The following TF variants were observed in gnomAD, a reference collection of about 807,000 sequenced individuals.
The protein encoded by TF is serotransferrin.
A neutral mutation model predicts 82.4 loss-of-function variants in TF; 55 were observed. The ratio of observed to expected loss-of-function variants is 0.67; its 90% CI spans 0.54 to 0.84. The LOEUF is 0.84. Among genes scored for constraint, TF ranks in the 40% least tolerant of loss-of-function variants. The pLI is 0.00. For synonymous variants in TF, 332 were observed against 332.6 expected (o/e 1.00, Z 0.02); for missense variants, 737 against 868.4 (o/e 0.85, Z 1.90).
In TF at chr3:133,777,054, A is replaced by G. The variant is rs1456528143; in HGVS notation, c.1878A>G (p.Leu626=). The part of the protein sequence containing the change: ...VHKILRQQQH[L]FGSNVTDCSG... ...ACTTTCTGTTCACTTGACAGCACCT[A>G]TTTGGAAGCAACGTAACTGACTGCT... Residue 626 remains leucine (L), a synonymous_variant, in exon 16 of 17, where the codon CTA becomes CTG. Coordinates refer to ENST00000402696, the MANE Select transcript of TF (RefSeq NM_001063.4). 1.2e-6 allele frequency: 2 copies of G among 1,614,150 alleles called. No homozygotes were observed. Among genetic ancestry groups the G allele is most frequent in the Admixed American group, 3.3e-5 (2 of 60,030 alleles).
the TF span, chr3:133,699,364 G>C: frequency 1.4e-6 from 1 of 709,626 alleles, no homozygotes; most frequent in South Asian, 1.4e-5. Context: ...CATATTTGAT[G>C]GTTCGGTGAG....
chr3:133,718,777 C>T, the TF span, among the ~76,000 whole-genome samples: 1 of 152,160 alleles, frequency 6.6e-6, no homozygotes, highest in South Asian at 2.1e-4. Context: ...GAAAGGAAAG[C>T]AGGAACGCTG....
chr3:133,766,582 C>A, intron 12 of TF, 149 bp downstream of exon 12: 1 of 1,087,620 alleles, frequency 9.2e-7, no homozygotes, highest in Non-Finnish European at 1.3e-6. Context: ...TTGCTGTCCT[C>A]AAGGACATAG....
chr3:133,775,758 A>G, intron 15 of TF, 141 bp downstream of exon 15: 3 of 865,130 alleles, frequency 3.5e-6, no homozygotes, highest in Non-Finnish European at 5.5e-6. Flanking sequence ...ATTTCATGCC[A>G]TGCATTGTGG....
chr3:133,669,281 C>T, the TF span, among the ~76,000 whole-genome samples: 14 of 152,290 alleles, frequency 9.2e-5, no homozygotes, highest in Admixed American at 7.2e-4. Flanking sequence ...GGATTGCAAG[C>T]ATAAGCCACC....
chr3:133,726,364 C>A, the TF span, among the ~76,000 whole-genome samples: 1 of 152,180 alleles, frequency 6.6e-6, no homozygotes, highest in African/African-American at 2.4e-5. Flanking sequence ...AGAGATTCAA[C>A]TTCTTCCTGG....
intron 2 of TF, among the ~76,000 whole-genome samples, chr3:133,753,059 G>T (rs1198047860): frequency 3.3e-5 from 5 of 151,764 alleles, no homozygotes; most frequent in Non-Finnish European, 7.4e-5. Flanking sequence ...TCTTCCCCCA[G>T]AAAAAAAATC....
the TF span, among the ~76,000 whole-genome samples, chr3:133,715,646 A>G: frequency 6.6e-6 from 1 of 152,074 alleles, no homozygotes; most frequent in Admixed American, 6.6e-5. Context: ...ATCTTTGCTA[A>G]CTCATATTTC....
chr3:133,766,989 T>G (rs1453407049), intron 12 of TF, among the ~76,000 whole-genome samples: 1 of 152,246 alleles, frequency 6.6e-6, no homozygotes, highest in Non-Finnish European at 1.5e-5. Flanking sequence ...ATGTAATCGT[T>G]CATCTGGAAA....
At chr3:133,666,747 T>G in the TF span, among the ~76,000 whole-genome samples, 16 of 152,144 alleles carry the variant, frequency 1.1e-4, no homozygotes, top group African/African-American at 2.9e-4. Flanking sequence ...ATTTAAAAAT[T>G]CAGGCCTGGC....
At chr3:133,694,368 T>A in the TF span, 1 of 152,928 alleles carries the variant, frequency 6.5e-6, no homozygotes. Flanking sequence ...CTTAAGTGAG[T>A]GAGACCCCAC....
chr3:133,793,865 C>T lies in TF; in HGVS notation c.*15245C>T, dbSNP rs1353996341. 6.6e-6 allele frequency: 1 copy of T among 152,104 alleles called. No individual in the cohort carries two copies. Among genetic ancestry groups the T allele is most frequent in the Admixed American group, 6.5e-5 (1 of 15,274 alleles). The allele number at this position is 152,104 out of a possible 1,614,324, so 9.4% of individuals were successfully genotyped here. A position where few individuals can be genotyped will look rare whatever the true frequency, so the allele number is the denominator to read the frequency against. The stretch of plus-strand genomic sequence containing the variant: ...TAAGTTTAGAATTATATCATTTGAA[C>T]TGGGTAAGAATTCCTGGAACTTTAA... On this transcript the variant is annotated 3_prime_UTR_variant, in exon 17 of 17. Coordinates refer to ENST00000402696, the MANE Select transcript of TF (RefSeq NM_001063.4).
chr3:133,747,856 TG>T (rs1289497876), intron 1 of TF, among the ~76,000 whole-genome samples: 2 of 152,034 alleles, frequency 1.3e-5, no homozygotes, highest in South Asian at 4.2e-4. Context: ...TTTTGTGCCC[TG>T]AGTAGCAGAC....
chr3:133,717,441 A>G, the TF span, among the ~76,000 whole-genome samples: 1 of 152,198 alleles, frequency 6.6e-6, no homozygotes, highest in Non-Finnish European at 1.5e-5. Flanking sequence ...CTTTCTCTGC[A>G]CATCTGCCTC....
intron 4 of TF, among the ~76,000 whole-genome samples, chr3:133,755,104 T>A (rs1461187388): frequency 6.6e-6 from 1 of 152,230 alleles, no homozygotes; most frequent in Non-Finnish European, 1.5e-5. Context: ...GAGAAGGTGC[T>A]CTGAGAAAGA....
chr3:133,767,780 T>G (rs1934161250), intron 12 of TF, among the ~76,000 whole-genome samples: 1 of 152,218 alleles, frequency 6.6e-6, no homozygotes, highest in Admixed American at 6.5e-5. Flanking sequence ...AGCGTAGTGA[T>G]GACATCATTA....
chr3:133,746,900 C>T (rs1048641817), intron 1 of TF, among the ~76,000 whole-genome samples: 4 of 152,156 alleles, frequency 2.6e-5, no homozygotes, highest in Non-Finnish European at 4.4e-5. Context: ...GCCAAGGAAG[C>T]GGTGCCATCG....
chr3:133,716,905 G>A, the TF span, among the ~76,000 whole-genome samples: 4 of 152,084 alleles, frequency 2.6e-5, no homozygotes, highest in African/African-American at 9.7e-5. Flanking sequence ...CTTCCCCGGG[G>A]ACTTTGCACT....
At chr3:133,683,939 C>T in the TF span, among the ~76,000 whole-genome samples, 28,674 of 152,072 alleles carry the variant, frequency 0.19, 2,927 homozygotes, top group African/African-American at 0.25. Context: ...CAAAATTGAC[C>T]ACATAGTTGG....
Sources: gnomAD v4.1 joint callset for allele counts (sites outside exome capture counted in the v4.1 genomes callset) on GRCh38, gnomAD v4.1.1 for gene constraint, MANE v1.5 for transcripts, NCBI Gene and HGNC (gene_info 2026-07-23, HGNC 2026-07-21) for gene names.